Variants in CFAP299 observed in about 807,000 individuals in gnomAD.
CFAP299 encodes the protein cilia and flagella associated protein 299.
A neutral mutation model predicts 27.0 loss-of-function variants in CFAP299; 21 were observed. The ratio of observed to expected loss-of-function variants is 0.78; its 90% CI spans 0.55 to 1.12. CFAP299 has a LOEUF of 1.12. Among genes scored for constraint, CFAP299 ranks in the 50% most tolerant of loss-of-function variants. The pLI is 0.00. For synonymous variants in CFAP299, 104 were observed against 98.1 expected (o/e 1.06, Z -0.36); for missense variants, 310 against 276.6 (o/e 1.12, Z -0.86).
chr4:80,395,281 A>G (rs1330611081), intron 2 of CFAP299, among the ~76,000 whole-genome samples: 1 of 152,120 alleles, frequency 6.6e-6, no homozygotes. Context: ...AAAATGTACT[A>G]AATTTATTAG....
intron 3 of CFAP299, among the ~76,000 whole-genome samples, chr4:80,795,614 T>TA (rs1727811210): frequency 6.6e-6 from 1 of 152,192 alleles, no homozygotes. Context: ...TTGAGCCACT[T>TA]ACTCGTGTAA....
intron 2 of CFAP299, among the ~76,000 whole-genome samples, chr4:80,536,632 A>G (rs1205757908): frequency 6.6e-6 from 1 of 152,182 alleles, no homozygotes; most frequent in Admixed American, 6.5e-5. Context: ...GGTCCCTTCA[A>G]AGAATGTTGG....
At position 80,633,393 on chromosome 4, in the gene CFAP299, T is replaced by A. The variant is rs1222096187; in HGVS notation, c.333+50210T>A. 2.6e-5 allele frequency among the ~76,000 whole-genome samples: 4 copies of A among 152,026 alleles called. No individual in the cohort carries two copies. The East Asian group carries it at 7.7e-4, about 29-fold the overall frequency. On this transcript the variant is annotated intron_variant, in intron 3 of 5. Coordinates refer to ENST00000358105, the MANE Select transcript of CFAP299 (RefSeq NM_152770.3). ...GGAGGAGGTTGGAGTGAGCCGAGTG[T>A]CACGAGTGGAGTGTCACGCCACTGC...
At chr4:80,844,468 T>C (rs1475603476) in intron 3 of CFAP299, among the ~76,000 whole-genome samples, 4 of 152,224 alleles carry the variant, frequency 2.6e-5, no homozygotes, top group Non-Finnish European at 4.4e-5. Context: ...AGATGGTATC[T>C]CATTGTGGTT....
intron 4 of CFAP299, among the ~76,000 whole-genome samples, chr4:80,903,647 T>C (rs1735042942): frequency 6.6e-6 from 1 of 152,014 alleles, no homozygotes; most frequent in South Asian, 2.1e-4. Flanking sequence ...TAAGGACAAA[T>C]ACAGATATAG....
At chr4:80,346,643 T>C (rs915866617) in intron 1 of CFAP299, among the ~76,000 whole-genome samples, 4 of 152,204 alleles carry the variant, frequency 2.6e-5, no homozygotes, top group Non-Finnish European at 2.9e-5. Flanking sequence ...TATCTCTGTT[T>C]TGGTACCAGT....
At chr4:80,663,676 G>A (rs1740985947) in intron 3 of CFAP299, among the ~76,000 whole-genome samples, 1 of 152,198 alleles carries the variant, frequency 6.6e-6, no homozygotes, top group South Asian at 2.1e-4. Context: ...GGGCCAAATA[G>A]TGGTTCTGGT....
chr4:80,770,157 C>T (rs1022643351), intron 3 of CFAP299, among the ~76,000 whole-genome samples: 2 of 152,150 alleles, frequency 1.3e-5, no homozygotes, highest in Admixed American at 1.3e-4. Context: ...ATAATGTTCT[C>T]GAGGACTTTG....
chr4:80,392,217 T>C (rs1370909065), intron 2 of CFAP299, among the ~76,000 whole-genome samples: 9 of 152,190 alleles, frequency 5.9e-5, no homozygotes, highest in African/African-American at 2.2e-4. Flanking sequence ...TACAGGCTCA[T>C]AGGTGGAAGG....
intron 5 of CFAP299, among the ~76,000 whole-genome samples, chr4:80,948,722 T>C (rs1737604598): frequency 6.6e-6 from 1 of 152,002 alleles, no homozygotes; most frequent in African/African-American, 2.4e-5. Context: ...CTATTCTCAC[T>C]TCCCATTTCT....
chr4:80,740,787 C>A (rs906027507), intron 3 of CFAP299, among the ~76,000 whole-genome samples: 1 of 152,202 alleles, frequency 6.6e-6, no homozygotes, highest in Non-Finnish European at 1.5e-5. Context: ...CAAAGGGTGG[C>A]CTTTCCTGGT....
chr4:80,836,786 A>G (rs560143967), intron 3 of CFAP299, among the ~76,000 whole-genome samples: 26 of 152,092 alleles, frequency 1.7e-4, no homozygotes, highest in African/African-American at 5.3e-4. Context: ...TAGTTATATA[A>G]CCTAATTTTG....
chr4:80,696,191 C>T (rs1578031754), intron 3 of CFAP299, among the ~76,000 whole-genome samples: 1 of 151,654 alleles, frequency 6.6e-6, no homozygotes, highest in South Asian at 2.1e-4. Flanking sequence ...ATTCCAGCTA[C>T]TCGGGAGGCT....
At chr4:80,731,552 T>C (rs1723522926) in intron 3 of CFAP299, among the ~76,000 whole-genome samples, 1 of 152,178 alleles carries the variant, frequency 6.6e-6, no homozygotes, top group Admixed American at 6.5e-5. Flanking sequence ...TTGTTTTCAC[T>C]TAATCCCCTT....
intron 3 of CFAP299, chr4:80,639,702 C>T (rs1412236064): frequency 4.6e-5 from 7 of 153,260 alleles, no homozygotes; most frequent in South Asian, 2.1e-4. Flanking sequence ...GATGGAGTTT[C>T]GCTCTTGTTG....
At chr4:80,856,796 G>C (rs1402356366) in intron 3 of CFAP299, among the ~76,000 whole-genome samples, 1 of 151,934 alleles carries the variant, frequency 6.6e-6, no homozygotes, top group Non-Finnish European at 1.5e-5. Flanking sequence ...ATGCTGTTTT[G>C]GTTACTGTAG....
chr4:80,803,139 A>T (rs1370669087), intron 3 of CFAP299, among the ~76,000 whole-genome samples: 1 of 152,042 alleles, frequency 6.6e-6, no homozygotes, highest in Non-Finnish European at 1.5e-5. Context: ...AATTCCATTT[A>T]TGTTTTTTCT....
At chr4:80,377,430 T>C (rs998166088) in intron 2 of CFAP299, among the ~76,000 whole-genome samples, 2 of 152,190 alleles carry the variant, frequency 1.3e-5, no homozygotes, top group African/African-American at 4.8e-5. Context: ...TGACTGTATA[T>C]GTACCTGTCT....
At chr4:80,639,664 T>G (rs1739626840) in intron 3 of CFAP299, 1 of 153,372 alleles carries the variant, frequency 6.5e-6, no homozygotes, top group Non-Finnish European at 1.4e-5. Flanking sequence ...TGCAGAGTTA[T>G]GTTTTTATTT....
Sources: allele counts gnomAD v4.1 joint callset (sites outside exome capture counted in the v4.1 genomes callset), GRCh38; gene constraint gnomAD v4.1.1; transcripts MANE v1.5; gene names NCBI Gene and HGNC (gene_info 2026-07-23, HGNC 2026-07-21).